CNTNAP2: variants seen among roughly 807,000 people sequenced by gnomAD.
CNTNAP2 encodes the protein contactin-associated protein-like 2.
Under a neutral mutation model 155.2 loss-of-function variants are expected in CNTNAP2, and 98 were observed. The observed-to-expected ratio is 0.63, with a 90% CI of 0.54 to 0.75. CNTNAP2 has a LOEUF of 0.75. Ranked by LOEUF, CNTNAP2 falls within the 30% of genes least tolerant of loss-of-function variation. The pLI is 0.00. For missense variants in CNTNAP2, 1,727 were observed against 1,688.1 expected (o/e 1.02, Z -0.40); for synonymous variants, 651 against 631.2 (o/e 1.03, Z -0.47).
rs559971753 is a variant in CNTNAP2, at chr7:146,328,628, G to C, written c.97+211655G>C. On this transcript the variant is annotated intron_variant, in intron 1 of 23. Coordinates refer to ENST00000361727, the MANE Select transcript of CNTNAP2 (RefSeq NM_014141.6). The stretch of plus-strand genomic sequence containing the variant: ...TAACTAGTCACTACATTGTATATAG[G>C]TCCTCAGAACTTGTTCATCTTATAA... Among the ~76,000 whole-genome samples the C allele has an allele frequency of 2.1e-3, 324 of 151,878 alleles. 2 individuals are homozygous for C. Among genetic ancestry groups the C allele is most frequent in the African/African-American group, 7.3e-3 (302 of 41,402 alleles).
intron 1 of CNTNAP2, among the ~76,000 whole-genome samples, chr7:146,682,970 G>C (rs1366046910): frequency 1.3e-5 from 2 of 152,114 alleles, no homozygotes; most frequent in African/African-American, 4.8e-5. Context: ...CTGCTATTCT[G>C]TCACCCTCAC....
At chr7:147,426,396 T>C (rs1797378483) in intron 10 of CNTNAP2, among the ~76,000 whole-genome samples, 2 of 152,116 alleles carry the variant, frequency 1.3e-5, no homozygotes, top group Non-Finnish European at 2.9e-5. Flanking sequence ...ATATGATCAT[T>C]ATAAAACTCT....
rs369988895 is a variant in CNTNAP2, at chr7:146,891,599, T to C, written c.402+51695T>C. Among the ~76,000 whole-genome samples, 20 of 152,298 alleles carry C rather than the reference T, an allele frequency of 1.3e-4. No homozygotes were observed. In the South Asian group the frequency reaches 3.7e-3, roughly 28 times the overall value. On this transcript the variant is annotated intron_variant, in intron 3 of 23. Coordinates refer to ENST00000361727, the MANE Select transcript of CNTNAP2 (RefSeq NM_014141.6). ...GCAGTCCCAAGTACCTGAATGAATA[T>C]GAACAGTTTTTGTTCTTATTTTCTG...
chr7:147,378,097 G>A (rs769437900), intron 9 of CNTNAP2: 3 of 459,520 alleles, frequency 6.5e-6, no homozygotes, highest in South Asian at 4.7e-5. Flanking sequence ...TATTACTTTT[G>A]CACCAACCTA....
chr7:146,780,485 G>C (rs574017111), intron 2 of CNTNAP2, among the ~76,000 whole-genome samples: 1 of 151,966 alleles, frequency 6.6e-6, no homozygotes, highest in Admixed American at 6.6e-5. Flanking sequence ...CACTGTGCCC[G>C]GCCGGTTTCC....
chr7:146,474,142 C>T lies in CNTNAP2; in HGVS notation c.98-300129C>T, dbSNP rs540679814. Among the ~76,000 whole-genome samples, 35 of 152,088 alleles carry T rather than the reference C, an allele frequency of 2.3e-4. No individual in the cohort carries two copies. The South Asian group carries it at 7.3e-3, about 32-fold the overall frequency. On this transcript the variant is annotated intron_variant, in intron 1 of 23. Coordinates refer to ENST00000361727, the MANE Select transcript of CNTNAP2 (RefSeq NM_014141.6). The stretch of plus-strand genomic sequence containing the variant: ...GATTCTGAGTGCTAAATCAATATTT[C>T]TGCACAATGTATTTCAATATATTTC...
intron 21 of CNTNAP2, among the ~76,000 whole-genome samples, chr7:148,341,336 T>G (rs540551410): frequency 7.9e-5 from 12 of 152,030 alleles, no homozygotes; most frequent in Non-Finnish European, 1.0e-4. Context: ...TAATCCGTAA[T>G]AGTGTGTTAA....
chr7:146,230,241 C>T (rs1799361770), intron 1 of CNTNAP2, among the ~76,000 whole-genome samples: 1 of 152,124 alleles, frequency 6.6e-6, no homozygotes. Context: ...CACTTGGCAC[C>T]AGAGATTTTT....
intron 18 of CNTNAP2, among the ~76,000 whole-genome samples, chr7:148,206,962 G>A (rs1022569159): frequency 1.3e-5 from 2 of 152,000 alleles, no homozygotes; most frequent in African/African-American, 4.8e-5. Context: ...CATCCTTCCC[G>A]CCTCCTGCTA....
At chr7:146,373,527 A>G (rs544709099) in intron 1 of CNTNAP2, among the ~76,000 whole-genome samples, 15 of 152,228 alleles carry the variant, frequency 9.9e-5, no homozygotes, top group African/African-American at 3.4e-4. Flanking sequence ...AAATATTAGA[A>G]ATATGTTGAA....
At chr7:146,970,029 C>A (rs1431887181) in intron 3 of CNTNAP2, among the ~76,000 whole-genome samples, 1 of 152,194 alleles carries the variant, frequency 6.6e-6, no homozygotes, top group East Asian at 1.9e-4. Flanking sequence ...GAAACTGGAT[C>A]CCTTCCTTAC....
intron 2 of CNTNAP2, among the ~76,000 whole-genome samples, chr7:146,813,682 A>G (rs1222862824): frequency 6.6e-6 from 1 of 152,106 alleles, no homozygotes; most frequent in Non-Finnish European, 1.5e-5. Context: ...TTGGAAATGG[A>G]TGATTGTGTT....
chr7:146,238,878 C>G (rs143748511), intron 1 of CNTNAP2, among the ~76,000 whole-genome samples: 176 of 152,254 alleles, frequency 1.2e-3, no homozygotes, highest in African/African-American at 4.0e-3. Context: ...ACCATCAGAT[C>G]TTGTGAGAAC....
intron 5 of CNTNAP2, among the ~76,000 whole-genome samples, chr7:147,109,284 A>G (rs73154354): frequency 0.015 from 2,216 of 152,276 alleles, 25 homozygotes; most frequent in South Asian, 0.04. Flanking sequence ...TGGTACATTC[A>G]GCATGACTTA....
chr7:146,483,705 T>C (rs1797013962), intron 1 of CNTNAP2, among the ~76,000 whole-genome samples: 1 of 151,692 alleles, frequency 6.6e-6, no homozygotes, highest in South Asian at 2.1e-4. Context: ...AAAAGAAAAA[T>C]AGAAAAAAAT....
intron 3 of CNTNAP2, among the ~76,000 whole-genome samples, chr7:146,879,888 G>A (rs1795505783): frequency 6.6e-6 from 1 of 152,048 alleles, no homozygotes; most frequent in South Asian, 2.1e-4. Context: ...CACGTGGCTG[G>A]GGAGGCCTCA....
chr7:146,704,513 T>C (rs890381386), intron 1 of CNTNAP2, among the ~76,000 whole-genome samples: 1 of 152,142 alleles, frequency 6.6e-6, no homozygotes, highest in African/African-American at 2.4e-5. Context: ...CAGGAAATAG[T>C]TAATGGCAAA....
intron 15 of CNTNAP2, among the ~76,000 whole-genome samples, chr7:148,012,574 T>TA (rs59291404): frequency 0.024 from 3,587 of 151,252 alleles, 165 homozygotes; most frequent in African/African-American, 0.082. Flanking sequence ...TTTACCACAA[T>TA]AAAAAAATTG....
At chr7:147,645,724 C>T (rs989760444) in intron 13 of CNTNAP2, among the ~76,000 whole-genome samples, 4 of 152,004 alleles carry the variant, frequency 2.6e-5, no homozygotes, top group Non-Finnish European at 5.9e-5. Context: ...GCCTGTGTAT[C>T]AGGAAGTGTG....
Sources: allele counts gnomAD v4.1 joint callset (sites outside exome capture counted in the v4.1 genomes callset), GRCh38; gene constraint gnomAD v4.1.1; transcripts MANE v1.5; gene names NCBI Gene and HGNC (gene_info 2026-07-23, HGNC 2026-07-21).